The following GABRG1 variants were observed in gnomAD, a reference collection of about 807,000 sequenced individuals.
The protein encoded by GABRG1 is gamma-aminobutyric acid type A receptor subunit gamma1, also known as gamma-aminobutyric acid receptor subunit gamma-1.
GABRG1 carries 49 observed loss-of-function variants against 49.8 expected under a neutral mutation model. The observed-to-expected ratio is 0.98, with a 90% CI of 0.78 to 1.25. The LOEUF is 1.25. Among genes scored for constraint, GABRG1 ranks in the 50% most tolerant of loss-of-function variants. The pLI is 0.00. For synonymous variants in GABRG1, 232 were observed against 185.1 expected (o/e 1.25, Z -2.06); for missense variants, 552 against 552.3 (o/e 1.00, Z 0.01).
rs959551785 is a variant in GABRG1 at position 46,099,915 on chromosome 4, C to T, written c.105-2566G>A. 2.0e-5 allele frequency among the ~76,000 whole-genome samples: 3 copies of T among 151,566 alleles called. No homozygotes were observed. In the Admixed American group the frequency reaches 2.0e-4, roughly 10 times the overall value. On this transcript the variant is annotated intron_variant, in intron 1 of 8. Transcript: ENST00000295452. ...CTGGTAGAACTGGGGCTCTGATACC[C>T]GCAGTATGCAATGAGCACACTATAA...
At chr4:46,062,631 G>A (rs1373620283) in intron 5 of GABRG1, among the ~76,000 whole-genome samples, 1 of 152,112 alleles carries the variant, frequency 6.6e-6, no homozygotes, top group Non-Finnish European at 1.5e-5. Flanking sequence ...GGCCAGTGAT[G>A]GTGAGCATTT....
In GABRG1 at chr4:46,079,176, T is replaced by C. The variant is rs367811264; in HGVS notation, c.321+4810A>G. Among the ~76,000 whole-genome samples the C allele has an allele frequency of 1.1e-4, 16 of 151,968 alleles. No homozygotes were observed. In the South Asian group the frequency reaches 1.2e-3, roughly 12 times the overall value. On this transcript the variant is annotated intron_variant, in intron 3 of 8. Coordinates refer to ENST00000295452, the MANE Select transcript of GABRG1 (RefSeq NM_173536.4). ...TTACATATTTCTGCACAGGCCAGAA[T>C]GAAAGCATTCTGTCATTTGCTAAGT...
At position 46,080,994 on chromosome 4, in the gene GABRG1, T is replaced by A. The variant is rs186068900; in HGVS notation, c.321+2992A>T. Among the ~76,000 whole-genome samples, 353 of 152,004 alleles carry A rather than the reference T, an allele frequency of 2.3e-3. 1 individual carries two copies. The highest frequency in any genetic ancestry group is 0.014 in the Middle Eastern group (4 of 294). On this transcript the variant is annotated intron_variant, in intron 3 of 8. Transcript: ENST00000295452. ...AGTTTTCTGTTTGCAAAAATCAGCT[T>A]ATTGTATAGTAATTTGTTTGAGTAG...
At chr4:46,096,143 A>C (rs552332208) in intron 2 of GABRG1, among the ~76,000 whole-genome samples, 1 of 152,030 alleles carries the variant, frequency 6.6e-6, no homozygotes, top group Admixed American at 6.6e-5. Context: ...ACTAAAGCAA[A>C]GATTGGGAAA....
At chr4:46,100,034 A>C (rs890640554) in intron 1 of GABRG1, among the ~76,000 whole-genome samples, 2 of 151,758 alleles carry the variant, frequency 1.3e-5, no homozygotes, top group Non-Finnish European at 2.9e-5. Flanking sequence ...ACAAAGTTTC[A>C]CTTATAACCC....
intron 7 of GABRG1, among the ~76,000 whole-genome samples, chr4:46,057,921 G>T (rs1367316315): frequency 6.6e-6 from 1 of 152,032 alleles, no homozygotes; most frequent in Non-Finnish European, 1.5e-5. Flanking sequence ...TAAGATTTAG[G>T]AATTACGTAT....
intron 5 of GABRG1, among the ~76,000 whole-genome samples, chr4:46,063,112 C>A (rs1021955623): frequency 5.9e-5 from 9 of 151,642 alleles, no homozygotes; most frequent in Non-Finnish European, 1.2e-4. Flanking sequence ...TTTATAGATT[C>A]AATGCCATCC....
At chr4:46,063,941 T>A (rs1011568685) in intron 5 of GABRG1, among the ~76,000 whole-genome samples, 10 of 152,164 alleles carry the variant, frequency 6.6e-5, no homozygotes, top group East Asian at 1.9e-4. Context: ...CAATCTTTTT[T>A]AATTAAATCA....
Position 46,058,484 on chromosome 4 carries a change from C to A in GABRG1, c.763+1G>T. 1 of 1,611,868 alleles carries A rather than the reference C, an allele frequency of 6.2e-7. No homozygotes were observed. The highest frequency in any genetic ancestry group is 2.2e-5 in the East Asian group (1 of 44,784). On this transcript the variant is annotated splice_donor_variant, in intron 6 of 8. Transcript: ENST00000295452. LOFTEE classifies it high-confidence loss of function. ...TTTCACTATTTGAGTATTCTTTTTA[C>A]CAGAGATCGTGTGAGTGATTTCAGT...
At chr4:46,095,220 G>T (rs965055503) in intron 2 of GABRG1, among the ~76,000 whole-genome samples, 1 of 151,590 alleles carries the variant, frequency 6.6e-6, no homozygotes, top group Non-Finnish European at 1.5e-5. Flanking sequence ...ATGAAGAGAA[G>T]TCAGAAAGTC....
rs545081149 is a variant in GABRG1, at chr4:46,035,997, T to C, written c.*4991A>G. ...ACACTTAATAGATGCAAATAATTGT[T>C]ATTACAGTGAAGGATTGAAAACCAA... On this transcript the variant is annotated 3_prime_UTR_variant, in exon 9 of 9. Transcript: ENST00000295452. 2 of 152,092 alleles carry C rather than the reference T, an allele frequency of 1.3e-5. No homozygotes were observed. Among genetic ancestry groups the C allele is most frequent in the South Asian group, 2.1e-4 (1 of 4,824 alleles). The allele number at this position is 152,092 out of a possible 1,614,324, so 9.4% of individuals were successfully genotyped here.
At chr4:46,121,566 G>A (rs1052340792) in intron 1 of GABRG1, among the ~76,000 whole-genome samples, 7 of 150,544 alleles carry the variant, frequency 4.6e-5, no homozygotes, top group Non-Finnish European at 1.0e-4. Context: ...CATTCTCATG[G>A]TTTGCCTACA....
intron 3 of GABRG1, among the ~76,000 whole-genome samples, chr4:46,074,367 T>C (rs1326379151): frequency 1.3e-5 from 2 of 152,158 alleles, no homozygotes; most frequent in Non-Finnish European, 2.9e-5. Context: ...ATAAAATGCT[T>C]ACTGTTGTCC....
At chr4:46,058,163 C>A (rs1718523417) in intron 7 of GABRG1, 54 bp downstream of exon 7, 4 of 1,509,498 alleles carry the variant, frequency 2.6e-6, no homozygotes, top group Admixed American at 4.2e-5. Flanking sequence ...TTTATCACAT[C>A]AAAATGATTT....
intron 2 of GABRG1, among the ~76,000 whole-genome samples, chr4:46,087,036 T>C (rs1719790254): frequency 1.3e-5 from 2 of 151,772 alleles, no homozygotes; most frequent in African/African-American, 4.8e-5. Context: ...ATGTACCAAC[T>C]GTTTTATTCA....
chr4:46,065,124 G>C (rs1481983162), intron 4 of GABRG1, among the ~76,000 whole-genome samples: 1 of 152,054 alleles, frequency 6.6e-6, no homozygotes, highest in African/African-American at 2.4e-5. Flanking sequence ...GCTGCAACCT[G>C]TTCTGCTTCA....
intron 5 of GABRG1, among the ~76,000 whole-genome samples, chr4:46,064,156 A>G (rs947374032): frequency 6.6e-6 from 1 of 152,088 alleles, no homozygotes; most frequent in African/African-American, 2.4e-5. Flanking sequence ...ATACAAACCT[A>G]TTTTCAATAC....
intron 1 of GABRG1, among the ~76,000 whole-genome samples, chr4:46,101,097 T>G (rs112288121): frequency 0.011 from 1,625 of 151,660 alleles, 34 homozygotes; most frequent in African/African-American, 0.037. Flanking sequence ...AGTTACATGT[T>G]TTGGATAAAT....
intron 1 of GABRG1, 49 bp from the exon 2 acceptor site, chr4:46,097,398 A>G: frequency 6.5e-7 from 1 of 1,546,182 alleles, no homozygotes; most frequent in Non-Finnish European, 8.8e-7. Flanking sequence ...CAATCAAATC[A>G]TGTATAAAAG....
Sources: gnomAD v4.1 joint callset for allele counts (sites outside exome capture counted in the v4.1 genomes callset) on GRCh38, gnomAD v4.1.1 for gene constraint, MANE v1.5 for transcripts, NCBI Gene and HGNC (gene_info 2026-07-23, HGNC 2026-07-21) for gene names.